ROBO1: variants seen among roughly 807,000 people sequenced by gnomAD.
ROBO1 encodes roundabout homolog 1.
Under a neutral mutation model 195.9 loss-of-function variants are expected in ROBO1, and 149 were observed. That is an observed-to-expected ratio of 0.76 (90% confidence interval 0.67 to 0.87). The LOEUF (loss-of-function observed/expected upper bound fraction) is 0.87. Ranked by LOEUF, ROBO1 falls within the 40% of genes least tolerant of loss-of-function variation. The pLI is 0.00. For synonymous variants in ROBO1, 816 were observed against 733.2 expected (o/e 1.11, Z -1.82); for missense variants, 1,933 against 2,068.3 (o/e 0.93, Z 1.27).
At chr3:78,993,956 G>C (rs898467668) in intron 3 of ROBO1, among the ~76,000 whole-genome samples, 2 of 151,322 alleles carry the variant, frequency 1.3e-5, no homozygotes, top group Admixed American at 6.6e-5. Flanking sequence ...TAAAGGAAAA[G>C]AAAGAGAATG....
At chr3:79,021,454 AT>A (rs1351262989) in intron 3 of ROBO1, among the ~76,000 whole-genome samples, 1 of 152,164 alleles carries the variant, frequency 6.6e-6, no homozygotes, top group Non-Finnish European at 1.5e-5. Flanking sequence ...ATACTTTTAA[AT>A]ATAATGAAGA....
intron 4 of ROBO1, among the ~76,000 whole-genome samples, chr3:78,768,658 TTTA>T (rs2083289015): frequency 6.6e-6 from 1 of 151,774 alleles, no homozygotes; most frequent in African/African-American, 2.4e-5. Context: ...CTTTTTTTTT[TTTA>T]TTATTATACT....
intron 2 of ROBO1, among the ~76,000 whole-genome samples, chr3:79,257,527 G>T (rs1480440299): frequency 6.6e-6 from 1 of 152,102 alleles, no homozygotes; most frequent in Non-Finnish European, 1.5e-5. Context: ...TCCATGTTTT[G>T]GTACAAGTGT....
chr3:79,758,010 A>G (rs1704498229), intron 1 of ROBO1, among the ~76,000 whole-genome samples: 1 of 152,244 alleles, frequency 6.6e-6, no homozygotes, highest in African/African-American at 2.4e-5. Flanking sequence ...TTTGCAGGAC[A>G]TGCTGAAATC....
chr3:78,775,418 T>C (rs982348081), intron 4 of ROBO1, among the ~76,000 whole-genome samples: 1 of 152,192 alleles, frequency 6.6e-6, no homozygotes, highest in Non-Finnish European at 1.5e-5. Context: ...TTCTAGTGTA[T>C]TTAATTTAAA....
At chr3:79,614,882 A>C (rs1187874820) in intron 1 of ROBO1, among the ~76,000 whole-genome samples, 1 of 152,086 alleles carries the variant, frequency 6.6e-6, no homozygotes, top group African/African-American at 2.4e-5. Flanking sequence ...TGCAATCCCA[A>C]TTATAATCAT....
chr3:79,404,608 G>A (rs747238401), intron 2 of ROBO1, among the ~76,000 whole-genome samples: 4 of 152,130 alleles, frequency 2.6e-5, no homozygotes, highest in Non-Finnish European at 4.4e-5. Flanking sequence ...TTGGTGCCAT[G>A]CACTGAAGGC....
intron 2 of ROBO1, among the ~76,000 whole-genome samples, chr3:79,221,387 C>G (rs890520713): frequency 1.3e-5 from 2 of 152,088 alleles, no homozygotes; most frequent in Admixed American, 1.3e-4. Flanking sequence ...TGATGAGAAG[C>G]AGACCCAATT....
At chr3:79,455,938 C>T (rs2039606812) in intron 2 of ROBO1, among the ~76,000 whole-genome samples, 1 of 152,012 alleles carries the variant, frequency 6.6e-6, no homozygotes, top group Admixed American at 6.6e-5. Flanking sequence ...TAAAGAAACC[C>T]GAGTAGCTCT....
At chr3:78,951,140 G>A (rs1290349298) in intron 3 of ROBO1, among the ~76,000 whole-genome samples, 2 of 151,596 alleles carry the variant, frequency 1.3e-5, no homozygotes, top group African/African-American at 4.8e-5. Context: ...TTACACCAAG[G>A]CCAAATATGG....
chr3:78,727,817 A>G (rs994431762), intron 5 of ROBO1, among the ~76,000 whole-genome samples: 1 of 152,170 alleles, frequency 6.6e-6, no homozygotes, highest in Non-Finnish European at 1.5e-5. Flanking sequence ...TGATAGAGAG[A>G]AACTTATATT....
At chr3:79,620,700 A>G (rs1944980365) in intron 1 of ROBO1, among the ~76,000 whole-genome samples, 1 of 151,950 alleles carries the variant, frequency 6.6e-6, no homozygotes, top group East Asian at 1.9e-4. Flanking sequence ...ACCTTAAACC[A>G]TAAGTATGGG....
intron 2 of ROBO1, among the ~76,000 whole-genome samples, chr3:79,421,888 AT>A (rs1480858005): frequency 1.3e-5 from 2 of 151,884 alleles, no homozygotes; most frequent in East Asian, 3.9e-4. Context: ...GAAACTAAAT[AT>A]TTTGCACAAA....
intron 3 of ROBO1, among the ~76,000 whole-genome samples, chr3:79,099,664 A>C (rs1366612999): frequency 6.6e-6 from 1 of 151,838 alleles, no homozygotes; most frequent in East Asian, 1.9e-4. Context: ...CATCATTTAA[A>C]AATAAGAATT....
At chr3:79,556,628 A>G (rs1431733958) in intron 2 of ROBO1, among the ~76,000 whole-genome samples, 2 of 151,996 alleles carry the variant, frequency 1.3e-5, no homozygotes, top group East Asian at 3.9e-4. Flanking sequence ...TATTGTATAT[A>G]TGTATTATAT....
chr3:78,949,041 C>A (rs2040622379), intron 3 of ROBO1, among the ~76,000 whole-genome samples: 1 of 146,344 alleles, frequency 6.8e-6, no homozygotes, highest in Admixed American at 6.9e-5. Context: ...ACATTCCATG[C>A]TCATGGGTAG....
intron 3 of ROBO1, among the ~76,000 whole-genome samples, chr3:79,075,059 G>A (rs2108446348): frequency 6.6e-6 from 1 of 151,978 alleles, no homozygotes; most frequent in South Asian, 2.1e-4. Flanking sequence ...TTTTAAGTTT[G>A]CTAGTAACCA....
chr3:79,058,140 T>G (rs775827328), intron 3 of ROBO1, among the ~76,000 whole-genome samples: 4 of 151,958 alleles, frequency 2.6e-5, no homozygotes, highest in Non-Finnish European at 5.9e-5. Flanking sequence ...CCCTAAAAAT[T>G]TTGAGGCCCC....
At chr3:78,945,924 G>A (rs2040413065) in intron 3 of ROBO1, among the ~76,000 whole-genome samples, 1 of 151,792 alleles carries the variant, frequency 6.6e-6, no homozygotes, top group Admixed American at 6.6e-5. Flanking sequence ...TATCAGTGAT[G>A]GAAGACGAAA....
Sources: allele counts gnomAD v4.1 joint callset (sites outside exome capture counted in the v4.1 genomes callset), GRCh38; gene constraint gnomAD v4.1.1; transcripts MANE v1.5; gene names NCBI Gene and HGNC (gene_info 2026-07-23, HGNC 2026-07-21).